The following TTC17 variants were observed in gnomAD, a reference collection of about 807,000 sequenced individuals.
TTC17 encodes the protein tetratricopeptide repeat protein 17.
Under a neutral mutation model 143.8 loss-of-function variants are expected in TTC17, and 58 were observed. The ratio of observed to expected loss-of-function variants is 0.40; its 90% CI spans 0.33 to 0.50. TTC17 has a LOEUF of 0.50. TTC17 is among the 20% of genes least tolerant of loss of function. The pLI is 0.49. For missense variants in TTC17, 1,273 were observed against 1,392.5 expected (o/e 0.91, Z 1.37); for synonymous variants, 501 against 497.8 (o/e 1.01, Z -0.09).
intron 16 of TTC17, among the ~76,000 whole-genome samples, chr11:43,432,935 T>C (rs1324766654): frequency 6.6e-6 from 1 of 152,206 alleles, no homozygotes; most frequent in Non-Finnish European, 1.5e-5. Context: ...AAGCTACATA[T>C]GCAAATCACA....
At chr11:43,445,878 T>C in intron 18 of TTC17, 1 of 832,686 alleles carries the variant, frequency 1.2e-6, no homozygotes, top group Non-Finnish European at 2.0e-6. Context: ...CATTGTAGAT[T>C]TTCTAAGAAC....
chr11:43,401,716 C>T (rs942128628), intron 10 of TTC17, 158 bp downstream of exon 10: 22 of 550,172 alleles, frequency 4.0e-5, no homozygotes, highest in African/African-American at 1.5e-4. Context: ...CAGTGGCTCA[C>T]GCCTGTAATC....
At chr11:43,460,362 C>T (rs769505003) in intron 21 of TTC17, among the ~76,000 whole-genome samples, 1 of 152,054 alleles carries the variant, frequency 6.6e-6, no homozygotes, top group Non-Finnish European at 1.5e-5. Flanking sequence ...TTCTATCTTC[C>T]AAGATACTGT....
At chr11:43,418,863 A>G (rs190172365) in intron 16 of TTC17, among the ~76,000 whole-genome samples, 41 of 152,330 alleles carry the variant, frequency 2.7e-4, no homozygotes, top group African/African-American at 9.9e-4. Flanking sequence ...ACCGTAAAAT[A>G]TTTTTGAAAT....
chr11:43,431,360 A>G (rs1407314280), intron 16 of TTC17, among the ~76,000 whole-genome samples: 2 of 152,216 alleles, frequency 1.3e-5, no homozygotes, highest in Non-Finnish European at 1.5e-5. Flanking sequence ...TGTCTTCCAC[A>G]GTGGATGAAC....
intron 1 of TTC17, among the ~76,000 whole-genome samples, chr11:43,370,954 A>C (rs963478158): frequency 6.9e-5 from 10 of 145,714 alleles, no homozygotes; most frequent in African/African-American, 2.6e-4. Flanking sequence ...ATGTGCCACC[A>C]CACCCAGCTA....
In TTC17 at chr11:43,401,011, T is replaced by C. The variant is rs191767270; in HGVS notation, c.1220-435T>C. ...CCTTAACAAGTTTTCTTTGCTATTA[T>C]GAGTGTAAAGAGTATGCTCAGTCTT... On this transcript the variant is annotated intron_variant, in intron 9 of 23. Coordinates refer to ENST00000039989, the MANE Select transcript of TTC17 (RefSeq NM_018259.6). 4.4e-3 allele frequency among the ~76,000 whole-genome samples: 676 copies of C among 152,334 alleles called. 1 individual carries two copies. Among genetic ancestry groups the C allele is most frequent in the African/African-American group, 0.016 (652 of 41,580 alleles).
At chr11:43,481,502 G>A (rs573230283) in intron 21 of TTC17, among the ~76,000 whole-genome samples, 1 of 152,230 alleles carries the variant, frequency 6.6e-6, no homozygotes, top group South Asian at 2.1e-4. Context: ...GAAGCCATCT[G>A]GTCCTAGAGT....
At chr11:43,481,123 T>C (rs1342366799) in intron 21 of TTC17, among the ~76,000 whole-genome samples, 1 of 152,082 alleles carries the variant, frequency 6.6e-6, no homozygotes, top group Non-Finnish European at 1.5e-5. Flanking sequence ...TTATTAGGAG[T>C]AGAGAGAATG....
rs1947585709 is a variant in TTC17, at chr11:43,448,112, A to G, written c.2776A>G (p.Lys926Glu). The change falls in exon 19 of 24, where the codon AAA becomes GAA. Residue 926 changes from lysine to glutamate, a missense_variant. Physicochemically the swap from Lys to Glu is moderately conservative, Grantham distance 56 (BLOSUM62 1). Around this residue, in one of 3 missense-constraint regions of TTC17, gnomAD observed 878 missense variants for 899.8 expected, o/e 0.98. Coordinates refer to ENST00000039989, the MANE Select transcript of TTC17 (RefSeq NM_018259.6). ...GAGTACCTGGCTTGCAGTTTCTTCA[A>G]AAAACATTGAGTAAGTATGTTAAGC... Reference protein sequence around the residue: ...IVSTWLAVSSKNIDITEHIDF... With the variant: ...IVSTWLAVSSENIDITEHIDF... 1 of 1,614,104 alleles carries G rather than the reference A, an allele frequency of 6.2e-7. No homozygotes were observed. Among genetic ancestry groups the G allele is most frequent in the Non-Finnish European group, 8.5e-7 (1 of 1,179,978 alleles).
At chr11:43,424,327 C>T (rs1230579785) in intron 16 of TTC17, among the ~76,000 whole-genome samples, 1 of 151,682 alleles carries the variant, frequency 6.6e-6, no homozygotes, top group Admixed American at 6.6e-5. Flanking sequence ...CTCCTGACCT[C>T]AGGTGATCCA....
chr11:43,450,055 G>A (rs1278954948), intron 19 of TTC17, 27 bp from the exon 20 acceptor site: 11 of 1,603,490 alleles, frequency 6.9e-6, no homozygotes, highest in Non-Finnish European at 9.4e-6. Context: ...ATTTCCCATA[G>A]CTAATGTGGT....
chr11:43,480,461 CAA>C (rs1173610539), intron 21 of TTC17, among the ~76,000 whole-genome samples: 1 of 151,978 alleles, frequency 6.6e-6, no homozygotes, highest in East Asian at 1.9e-4. Flanking sequence ...TAAAGATAAG[CAA>C]AGAGCTAGAA....
intron 22 of TTC17, chr11:43,490,844 A>G (rs1022844428): frequency 2.7e-5 from 3 of 112,094 alleles, no homozygotes; most frequent in Non-Finnish European, 1.7e-5. Flanking sequence ...TCTGACTTCT[A>G]CTTTTTCCAC....
intron 16 of TTC17, among the ~76,000 whole-genome samples, chr11:43,436,737 C>A (rs1032905218): frequency 6.6e-6 from 1 of 152,200 alleles, no homozygotes; most frequent in African/African-American, 2.4e-5. Context: ...CTAAACAGTT[C>A]TTGCTAAGAT....
chr11:43,437,840 G>A (rs1424400973), intron 16 of TTC17, among the ~76,000 whole-genome samples: 1 of 152,202 alleles, frequency 6.6e-6, no homozygotes, highest in Non-Finnish European at 1.5e-5. Context: ...TTCCCTGTTT[G>A]CTTTTCTGGG....
chr11:43,412,239 T>C (rs1382854828), intron 15 of TTC17, among the ~76,000 whole-genome samples: 1 of 152,140 alleles, frequency 6.6e-6, no homozygotes, highest in Non-Finnish European at 1.5e-5. Context: ...ATCTCAGCAC[T>C]TTGAGAGGCT....
chr11:43,433,935 T>C (rs1947218900), intron 16 of TTC17, among the ~76,000 whole-genome samples: 1 of 152,194 alleles, frequency 6.6e-6, no homozygotes. Flanking sequence ...AGAAGTGTGA[T>C]GTTCTTCATA....
chr11:43,482,477 AT>A (rs1261804193), intron 21 of TTC17, among the ~76,000 whole-genome samples: 4 of 152,016 alleles, frequency 2.6e-5, no homozygotes. Context: ...GTTTCCAACT[AT>A]TTGGGTGTTT....
Sources: allele counts gnomAD v4.1 joint callset (sites outside exome capture counted in the v4.1 genomes callset), GRCh38; gene constraint gnomAD v4.1.1; regional missense constraint gnomAD v4.1.1; transcripts MANE v1.5; gene names NCBI Gene and HGNC (gene_info 2026-07-23, HGNC 2026-07-21).